SLC2A5: variants seen among roughly 807,000 people sequenced by gnomAD.
SLC2A5 encodes the protein solute carrier family 2, facilitated glucose transporter member 5.
A neutral mutation model predicts 50.3 loss-of-function variants in SLC2A5; 56 were observed. The ratio of observed to expected loss-of-function variants is 1.11; its 90% CI spans 0.90 to 1.39. SLC2A5 has a LOEUF of 1.39. SLC2A5 is among the 40% of genes most tolerant of loss of function. The probability of loss-of-function intolerance (pLI) is 0.00; values close to 1 mark genes in which losing one functional copy is unlikely to be tolerated. For synonymous variants in SLC2A5, 269 were observed against 281.9 expected (o/e 0.95, Z 0.46); for missense variants, 566 against 650.1 (o/e 0.87, Z 1.41).
rs540249937 is a variant in SLC2A5, at chr1:9,037,563, C to CT, written c.*22dup. The stretch of plus-strand genomic sequence containing the variant: ...AAGTGGGAAGCCCCTGGCAGACCAG[C>CT]TCCACTGGCTTCCTCTCCAGAGTCA... On this transcript the variant is annotated 3_prime_UTR_variant, in exon 12 of 12. Transcript: ENST00000377424. 395 of 1,605,618 alleles carry CT rather than the reference C, an allele frequency of 2.5e-4. No homozygotes were observed. The African/African-American group carries it at 4.7e-3, about 19-fold the overall frequency.
chr1:9,077,681 G>A (rs1050304116), intron 2 of SLC2A5, among the ~76,000 whole-genome samples: 2 of 147,452 alleles, frequency 1.4e-5, no homozygotes, highest in African/African-American at 5.0e-5. Context: ...TTTGAACCTG[G>A]TTGCAGTGAG....
intron 1 of SLC2A5, among the ~76,000 whole-genome samples, chr1:9,060,966 A>G (rs12086036): frequency 0.31 from 46,611 of 148,772 alleles, 7,941 homozygotes; most frequent in East Asian, 0.61. Flanking sequence ...GGTGGGGGTG[A>G]GGGGAAGGGA....
intron 2 of SLC2A5, among the ~76,000 whole-genome samples, chr1:9,078,105 C>T (rs766201283): frequency 2.8e-4 from 42 of 152,124 alleles, no homozygotes; most frequent in Non-Finnish European, 4.1e-4. Flanking sequence ...GGGCTCCTCC[C>T]GCTTTTAGGC....
chr1:9,057,292 T>TAAAAAAAAAA (rs760221358), intron 3 of SLC2A5, among the ~76,000 whole-genome samples, 156 bp downstream of exon 3: 23 of 103,362 alleles, frequency 2.2e-4, no homozygotes, highest in African/African-American at 6.0e-4. Flanking sequence ...TCTCAAAAAT[T>TAAAAAAAAAA]AAAAAAAAAA....
chr1:9,073,782 G>T (rs1642251036), upstream of SLC2A5, among the ~76,000 whole-genome samples: 1 of 152,192 alleles, frequency 6.6e-6, no homozygotes, highest in Admixed American at 6.5e-5. Context: ...TAGTTCATTT[G>T]CAGATGGTAA....
In SLC2A5 at chr1:9,041,549, TC is replaced by T. The variant is rs1270992052; in HGVS notation, c.571+235del. The T allele has an allele frequency of 5.9e-6, 8 of 1,364,336 alleles. No homozygotes were observed. In the African/African-American group the frequency reaches 1.2e-4, roughly 20 times the overall value. 84.5% of individuals were successfully genotyped at this position (1,364,336 alleles called of 1,614,324 possible). A position where few individuals can be genotyped will look rare whatever the true frequency, so the allele number is the denominator to read the frequency against. ...GGGAAGCCCATCACTCAAAGCCACCTCATCCATCTCCTAAGAGGGACTAGAT... is the reference window on the plus strand; with the variant it reads ...GGGAAGCCCATCACTCAAAGCCACCTATCCATCTCCTAAGAGGGACTAGAT... On this transcript the variant is annotated intron_variant, in intron 5 of 11. Coordinates refer to ENST00000377424, the MANE Select transcript of SLC2A5 (RefSeq NM_003039.3).
intron 2 of SLC2A5, among the ~76,000 whole-genome samples, chr1:9,080,200 A>G (rs187671326): frequency 6.6e-6 from 1 of 152,302 alleles, no homozygotes; most frequent in Admixed American, 6.5e-5. Flanking sequence ...TGGTTTACCC[A>G]TTTATCTGTC....
intron 2 of SLC2A5, among the ~76,000 whole-genome samples, chr1:9,079,714 C>A (rs1010104517): frequency 2.0e-5 from 3 of 152,048 alleles, no homozygotes; most frequent in Admixed American, 6.6e-5. Context: ...CTCAAACTCC[C>A]GACCTCAGGT....
At chr1:9,056,238 T>C (rs1210539116) in intron 3 of SLC2A5, among the ~76,000 whole-genome samples, 2 of 152,070 alleles carry the variant, frequency 1.3e-5, no homozygotes, top group African/African-American at 4.8e-5. Flanking sequence ...CAGGCTGGAG[T>C]GCGATGGTGC....
chr1:9,037,321 A>G lies in SLC2A5; in HGVS notation c.*265T>C. ...AGCCACGTTACCAGGAGCCACACGA[A>G]GGCTGAACCAGCAAAGTGGAGGACC... is the stretch of plus-strand genomic sequence containing the variant. On this transcript the variant is annotated 3_prime_UTR_variant, in exon 12 of 12. Coordinates refer to ENST00000377424, the MANE Select transcript of SLC2A5 (RefSeq NM_003039.3). 2.3e-6 allele frequency: 1 copy of G among 443,240 alleles called. No individual in the cohort carries two copies. 27.5% of individuals were successfully genotyped at this position (443,240 alleles called of 1,614,324 possible). A position where few individuals can be genotyped will look rare whatever the true frequency, so the allele number is the denominator to read the frequency against.
intron 2 of SLC2A5, among the ~76,000 whole-genome samples, chr1:9,078,429 C>T (rs548375181): frequency 1.2e-3 from 176 of 152,234 alleles, no homozygotes; most frequent in African/African-American, 4.0e-3. Flanking sequence ...AAGATGGAGT[C>T]GCTCTGGTTC....
At chr1:9,077,739 G>A (rs1407138251) in intron 2 of SLC2A5, among the ~76,000 whole-genome samples, 1 of 147,272 alleles carries the variant, frequency 6.8e-6, no homozygotes, top group Non-Finnish European at 1.5e-5. Flanking sequence ...GGGTGAAACA[G>A]GGAGAGAGGG....
chr1:9,044,042 C>T (rs185248082), intron 4 of SLC2A5, among the ~76,000 whole-genome samples: 1 of 151,322 alleles, frequency 6.6e-6, no homozygotes, highest in Admixed American at 6.6e-5. Flanking sequence ...AGTTTAAATT[C>T]CTCCTGCTGG....
chr1:9,039,832 TGAGGACGA>T lies in SLC2A5; in HGVS notation c.845_852del (p.Ile282AsnfsTer117). On this transcript the variant is annotated frameshift_variant, in exon 7 of 12. Coordinates refer to ENST00000377424, the MANE Select transcript of SLC2A5 (RefSeq NM_003039.3). LOFTEE classifies it high-confidence loss of function. ...ACGCCCGACAGCTGCTGGCCGCCCA[TGAGGACGA>T]TGATGGACAGCAGCTGCCAGCGCAG... 1 of 1,605,208 alleles carries T rather than the reference TGAGGACGA, an allele frequency of 6.2e-7. No homozygotes were observed. Among genetic ancestry groups the T allele is most frequent in the South Asian group, 1.1e-5 (1 of 90,358 alleles).
intron 2 of SLC2A5, among the ~76,000 whole-genome samples, chr1:9,077,022 C>A (rs1374925660): frequency 6.6e-6 from 1 of 151,302 alleles, no homozygotes; most frequent in Non-Finnish European, 1.5e-5. Context: ...CTCCTGACCT[C>A]GTGATCCGCT....
chr1:9,086,616 C>T (rs571060667), intron 1 of SLC2A5, among the ~76,000 whole-genome samples: 2 of 152,188 alleles, frequency 1.3e-5, no homozygotes, highest in South Asian at 4.1e-4. Flanking sequence ...GTCTTGAACT[C>T]CTGATCTCAA....
chr1:9,042,682 T>C (rs989039756), intron 4 of SLC2A5, among the ~76,000 whole-genome samples: 1 of 151,140 alleles, frequency 6.6e-6, no homozygotes, highest in Non-Finnish European at 1.5e-5. Context: ...GTATAGGGCA[T>C]GTGTATGTGT....
chr1:9,083,423 G>C (rs1178389814), intron 2 of SLC2A5, among the ~76,000 whole-genome samples: 1 of 152,186 alleles, frequency 6.6e-6, no homozygotes, highest in Non-Finnish European at 1.5e-5. Flanking sequence ...AGAAGTAGGG[G>C]CCCTGAAAAA....
chr1:9,092,509 C>A (rs974088700), upstream of SLC2A5, among the ~76,000 whole-genome samples: 5 of 152,128 alleles, frequency 3.3e-5, no homozygotes, highest in East Asian at 1.9e-4. Context: ...CACTCCAATA[C>A]CCCCTTCTTT....
Sources: gnomAD v4.1 joint callset for allele counts (sites outside exome capture counted in the v4.1 genomes callset) on GRCh38, gnomAD v4.1.1 for gene constraint, MANE v1.5 for transcripts, NCBI Gene and HGNC (gene_info 2026-07-23, HGNC 2026-07-21) for gene names.